CHMP2A: variants seen among roughly 807,000 people sequenced by gnomAD.
CHMP2A encodes charged multivesicular body protein 2A.
CHMP2A carries 6 observed loss-of-function variants against 21.8 expected under a neutral mutation model. The observed-to-expected ratio is 0.28, with a 90% CI of 0.15 to 0.54. CHMP2A has a LOEUF of 0.54. Among genes scored for constraint, CHMP2A ranks in the 20% least tolerant of loss-of-function variants. The probability of loss-of-function intolerance (pLI) is 0.95; values close to 1 mark genes in which losing one functional copy is unlikely to be tolerated. For synonymous variants in CHMP2A, 125 were observed against 107.0 expected (o/e 1.17, Z -1.04); for missense variants, 303 against 293.9 (o/e 1.03, Z -0.23).
chr19:58,554,343 A>C, intron 1 of CHMP2A, 107 bp from the exon 2 acceptor site: 1 of 1,024,126 alleles, frequency 9.8e-7, no homozygotes, highest in East Asian at 2.5e-5. Flanking sequence ...GCTAACGGAG[A>C]CTGGAGGCAG....
chr19:58,554,159 G>C lies in CHMP2A; in HGVS notation c.54C>G (p.Asn18Lys). Reference sequence around the variant, plus strand: ...GCATGGCACGGTTCAGGGCCCTCTGGTTCTGCCGCAGTAGCTCCTCTGGCG... The same window carrying C: ...GCATGGCACGGTTCAGGGCCCTCTGCTTCTGCCGCAGTAGCTCCTCTGGCG... ...RKTPEELLRQNQRALNRAMRE... is the reference protein window; with the variant it reads ...RKTPEELLRQKQRALNRAMRE... Residue 18 changes from asparagine (N) to lysine (K), a missense_variant, in exon 2 of 6, where the codon AAC becomes AAG. Asn to Lys is a moderately conservative substitution (Grantham distance 94). Transcript: ENST00000312547. 1 of 1,614,124 alleles carries C rather than the reference G, an allele frequency of 6.2e-7. No homozygotes were observed. The highest frequency in any genetic ancestry group is 8.5e-7 in the Non-Finnish European group (1 of 1,180,016).
intron 1 of CHMP2A, 35 bp from the exon 2 acceptor site, chr19:58,554,271 C>T (rs2053866850): frequency 1.3e-6 from 2 of 1,562,098 alleles, no homozygotes; most frequent in Non-Finnish European, 1.7e-6. Flanking sequence ...AGTTGTAGGG[C>T]ATGGGGCCCA....
Position 58,551,616 on chromosome 19 carries a change from C to T in CHMP2A, c.*33G>A, listed in dbSNP as rs2053824886. 6.2e-7 allele frequency: 1 copy of T among 1,605,838 alleles called. No individual in the cohort carries two copies. The highest frequency in any genetic ancestry group is 1.3e-5 in the African/African-American group (1 of 74,590). On this transcript the variant is annotated 3_prime_UTR_variant, in exon 6 of 6. Coordinates refer to ENST00000312547, the MANE Select transcript of CHMP2A (RefSeq NM_014453.4). ...AGGGGTTGTGGTAAAAGATCCTGGG[C>T]ATCCACTGGTTATCTCGGAGTGGCA...
At position 58,552,698 on chromosome 19, in the gene CHMP2A, G is replaced by A. The variant is rs370323593; in HGVS notation, c.169-260C>T. Among the ~76,000 whole-genome samples the A allele has an allele frequency of 6.6e-5, 10 of 152,266 alleles. No homozygotes were observed. In the South Asian group the frequency reaches 8.3e-4, roughly 13 times the overall value. The stretch of plus-strand genomic sequence containing the variant: ...TTGATCTGTAAATGGTAAAAGAAAG[G>A]CCCCAGGCTCACTCCTGAGGGTTCC... On this transcript the variant is annotated intron_variant, in intron 2 of 5. Coordinates refer to ENST00000312547, the MANE Select transcript of CHMP2A (RefSeq NM_014453.4).
chr19:58,552,070 T>G lies in CHMP2A; in HGVS notation c.464A>C (p.Glu155Ala). Residue 155 changes from glutamate to alanine, a missense_variant, in exon 4 of 6, where the codon GAA becomes GCA. Transcript: ENST00000312547. ...TTCCCCATACCTCTCCTCTTCATCT[T>G]CCTCATCACCCATGGCATCATCAAT... ...DAIDDAMGDE[E>A]DEEESDAVVS... The G allele has an allele frequency of 6.2e-7, 1 of 1,614,174 alleles. No homozygotes were observed. Among genetic ancestry groups the G allele is most frequent in the East Asian group, 2.2e-5 (1 of 44,890 alleles).
At chr19:58,554,347 G>C in intron 1 of CHMP2A, 111 bp from the exon 2 acceptor site, 1 of 995,950 alleles carries the variant, frequency 1.0e-6, no homozygotes, top group Non-Finnish European at 1.5e-6. Flanking sequence ...ACGGAGACTG[G>C]AGGCAGGAAT....
chr19:58,552,431 A>G lies in CHMP2A; in HGVS notation c.176T>C (p.Val59Ala). 1 of 1,613,726 alleles carries G rather than the reference A, an allele frequency of 6.2e-7. No homozygotes were observed. The highest frequency in any genetic ancestry group is 1.1e-5 in the South Asian group (1 of 91,048). Reference protein sequence around the residue: ...KMAKQGQMDAVRIMAKDLVRT... With the variant: ...KMAKQGQMDAARIMAKDLVRT... ...CACCAAGTCTTTTGCCATGATGCGA[A>G]CAGCATCCTGCAGAGTAGACAAGGG... The change falls in exon 3 of 6, where the codon GTT (valine) becomes GCT (alanine). Residue 59 changes from valine (V) to alanine (A), a missense_variant. Val to Ala is a moderately conservative substitution (Grantham distance 64). Coordinates refer to ENST00000312547, the MANE Select transcript of CHMP2A (RefSeq NM_014453.4).
chr19:58,552,769 T>C (rs1383286021), intron 2 of CHMP2A, among the ~76,000 whole-genome samples: 4 of 152,198 alleles, frequency 2.6e-5, no homozygotes, highest in Non-Finnish European at 5.9e-5. Context: ...ACAACAGCCA[T>C]TCCTCAATTT....
intron 2 of CHMP2A, 62 bp downstream of exon 2, chr19:58,553,983 T>C: frequency 6.3e-7 from 1 of 1,596,204 alleles, no homozygotes; most frequent in African/African-American, 1.3e-5. Flanking sequence ...CTGGTCTCTC[T>C]TGTTCACTGC....
rs2053834226 is a variant in CHMP2A at position 58,552,050 on chromosome 19, C to T, written c.479+5G>A. 6.2e-7 allele frequency: 1 copy of T among 1,614,080 alleles called. No individual in the cohort carries two copies. The stretch of plus-strand genomic sequence containing the variant: ...TCTCCACCCTCCCATCCAGTTTCCC[C>T]ATACCTCTCCTCTTCATCTTCCTCA... On this transcript the variant is annotated splice_donor_5th_base_variant and intron_variant, in intron 4 of 5. Coordinates refer to ENST00000312547, the MANE Select transcript of CHMP2A (RefSeq NM_014453.4).
In CHMP2A at chr19:58,551,568, G is replaced by C. The variant is rs1466465385; in HGVS notation, c.*81C>G. 2.0e-6 allele frequency: 3 copies of C among 1,501,100 alleles called. No individual in the cohort carries two copies. Among genetic ancestry groups the C allele is most frequent in the African/African-American group, 2.8e-5 (2 of 72,108 alleles). 93.0% of individuals were successfully genotyped at this position (1,501,100 alleles called of 1,614,324 possible). A position where few individuals can be genotyped will look rare whatever the true frequency, so the allele number is the denominator to read the frequency against. ...AAAAGTCACATGGGCCTGGAGACTA[G>C]TGTCAAATCTCTTTTATTACAGAGG... On this transcript the variant is annotated 3_prime_UTR_variant, in exon 6 of 6. Transcript: ENST00000312547.
intron 2 of CHMP2A, 36 bp from the exon 3 acceptor site, chr19:58,552,474 T>C: frequency 6.3e-7 from 1 of 1,592,518 alleles, no homozygotes; most frequent in South Asian, 1.1e-5. Context: ...GACACAGGAA[T>C]GAGATTATCC....
Position 58,552,315 on chromosome 19 carries a change from A to C in CHMP2A, c.292T>G (p.Ser98Ala), listed in dbSNP as rs1438168135. 1 of 1,614,066 alleles carries C rather than the reference A, an allele frequency of 6.2e-7. No individual in the cohort carries two copies. Among genetic ancestry groups the C allele is most frequent in the Non-Finnish European group, 8.5e-7 (1 of 1,180,010 alleles). Residue 98 changes from serine (S) to alanine (A), a missense_variant, in exon 3 of 6, where the codon TCG becomes GCG. Coordinates refer to ENST00000312547, the MANE Select transcript of CHMP2A (RefSeq NM_014453.4). Reference protein sequence around the residue: ...LKIQTLKSNNSMAQAMKGVTK... With the variant: ...LKIQTLKSNNAMAQAMKGVTK... ...ACACCCTTCATGGCTTGTGCCATCG[A>C]GTTGTTGGACTTGAGTGTCTGGATC... is the stretch of plus-strand genomic sequence containing the variant.
At chr19:58,552,220 G>A in intron 3 of CHMP2A, 35 bp from the exon 4 acceptor site, 1 of 1,614,216 alleles carries the variant, frequency 6.2e-7, no homozygotes, top group Non-Finnish European at 8.5e-7. Flanking sequence ...TGATCCCCAT[G>A]GGTCGTGGGA....
At chr19:58,553,948 T>G in intron 2 of CHMP2A, 97 bp downstream of exon 2, 1 of 1,509,874 alleles carries the variant, frequency 6.6e-7, no homozygotes, top group African/African-American at 1.4e-5. Context: ...CCACTCGTTT[T>G]GCTGAAAGCA....
Position 58,552,240 on chromosome 19 carries a change from G to A in CHMP2A, c.348+19C>T. 5 of 1,614,170 alleles carry A rather than the reference G, an allele frequency of 3.1e-6. No individual in the cohort carries two copies. The highest frequency in any genetic ancestry group is 4.2e-6 in the Non-Finnish European group (5 of 1,180,022). On this transcript the variant is annotated intron_variant, in intron 3 of 5. Transcript: ENST00000312547. ...CCCATGGGTCGTGGGAGTGGGAAGG[G>A]GGATTGGGAAAAGCGCACCTGTCTG... is the stretch of plus-strand genomic sequence containing the variant.
At chr19:58,552,472 A>C in intron 2 of CHMP2A, 34 bp from the exon 3 acceptor site, 2 of 1,595,674 alleles carry the variant, frequency 1.3e-6, no homozygotes, top group Non-Finnish European at 1.7e-6. Context: ...AGGACACAGG[A>C]ATGAGATTAT....
intron 2 of CHMP2A, among the ~76,000 whole-genome samples, chr19:58,552,648 C>T (rs1185106069): frequency 1.3e-5 from 2 of 152,288 alleles, no homozygotes; most frequent in Non-Finnish European, 2.9e-5. Context: ...CCCTGGGCTC[C>T]TTTGTAAGGT....
intron 2 of CHMP2A, among the ~76,000 whole-genome samples, chr19:58,552,813 C>T (rs2053848622): frequency 6.6e-6 from 1 of 152,242 alleles, no homozygotes; most frequent in South Asian, 2.1e-4. Context: ...TCTGTCTCTT[C>T]CTTCACCTGA....
Sources: allele counts gnomAD v4.1 joint callset (sites outside exome capture counted in the v4.1 genomes callset), GRCh38; gene constraint gnomAD v4.1.1; transcripts MANE v1.5; gene names NCBI Gene and HGNC (gene_info 2026-07-23, HGNC 2026-07-21).